Variants in ADGRV1 observed in about 807,000 individuals in gnomAD.
ADGRV1 encodes the protein G-protein coupled receptor 98.
A neutral mutation model predicts 596.2 loss-of-function variants in ADGRV1; 359 were observed. The observed-to-expected ratio is 0.60, with a 90% CI of 0.55 to 0.66. ADGRV1 has a LOEUF of 0.66. Ranked by LOEUF, ADGRV1 falls within the 30% of genes least tolerant of loss-of-function variation. ADGRV1 has a pLI of 0.00. For missense variants in ADGRV1, 7,274 were observed against 7,575.6 expected, an observed-to-expected ratio of 0.96 and a Z score of 1.48; for synonymous variants, 2,681 against 2,679.2, an observed-to-expected ratio of 1.00 and a Z score of -0.02.
At chr5:91,051,157 T>C (rs1439221993) in intron 85 of ADGRV1, among the ~76,000 whole-genome samples, 1 of 152,222 alleles carries the variant, frequency 6.6e-6, no homozygotes, top group Non-Finnish European at 1.5e-5. Context: ...CCCAGACTTT[T>C]AAATGTATGA....
chr5:90,901,267 A>G (rs1437616679), intron 83 of ADGRV1, among the ~76,000 whole-genome samples: 1 of 152,200 alleles, frequency 6.6e-6, no homozygotes, highest in Non-Finnish European at 1.5e-5. Context: ...GTAAGTGTTC[A>G]TAAATGTGGA....
intron 86 of ADGRV1, among the ~76,000 whole-genome samples, chr5:91,081,771 A>G (rs1159633740): frequency 6.6e-6 from 1 of 152,204 alleles, no homozygotes; most frequent in Non-Finnish European, 1.5e-5. Context: ...GAGCAACAAG[A>G]GTGAAACTCT....
intron 87 of ADGRV1, among the ~76,000 whole-genome samples, chr5:91,124,619 C>T (rs1043616081): frequency 3.9e-5 from 6 of 152,002 alleles, no homozygotes; most frequent in Non-Finnish European, 5.9e-5. Context: ...AGTGAAGACC[C>T]CTGAAGTTAA....
At chr5:90,966,168 G>A (rs1778438808) in intron 84 of ADGRV1, among the ~76,000 whole-genome samples, 1 of 152,150 alleles carries the variant, frequency 6.6e-6, no homozygotes, top group Non-Finnish European at 1.5e-5. Context: ...ACTGAACAAT[G>A]GGGAAGAGCT....
chr5:90,929,998 A>G (rs1015792836), intron 83 of ADGRV1, among the ~76,000 whole-genome samples: 1 of 152,188 alleles, frequency 6.6e-6, no homozygotes, highest in Non-Finnish European at 1.5e-5. Flanking sequence ...TTAAAAGGCC[A>G]GTCTATATTT....
At chr5:90,898,679 C>A (rs1228707974) in intron 83 of ADGRV1, among the ~76,000 whole-genome samples, 1 of 152,144 alleles carries the variant, frequency 6.6e-6, no homozygotes, top group African/African-American at 2.4e-5. Context: ...TGCGGGGACT[C>A]ACACCTGTAA....
At chr5:91,138,566 G>A (rs946056099) in intron 87 of ADGRV1, among the ~76,000 whole-genome samples, 10 of 152,122 alleles carry the variant, frequency 6.6e-5, no homozygotes, top group Admixed American at 3.3e-4. Flanking sequence ...CTACTAAACC[G>A]TCATCAGAAA....
At chr5:90,715,198 G>A (rs1749926576) in intron 42 of ADGRV1, among the ~76,000 whole-genome samples, 1 of 152,180 alleles carries the variant, frequency 6.6e-6, no homozygotes, top group South Asian at 2.1e-4. Flanking sequence ...GATCTCTGGA[G>A]GCCTGATGAG....
rs1206108221 is a variant in ADGRV1 at position 90,855,858 on chromosome 5, A to G, written c.17712A>G (p.Ser5904=). 6.2e-7 allele frequency: 1 copy of G among 1,613,314 alleles called. No individual in the cohort carries two copies. ...ATGCTCGGACTGACAACTTGTCTTC[A>G]TACAATGAAGCCTTCTTCACTTCTG... is the stretch of plus-strand genomic sequence containing the variant. ...AVYARTDNLS[S]YNEAFFTSGF... is the part of the protein sequence containing the mutation. The change falls in exon 82 of 90, where the codon TCA becomes TCG. Residue 5904 remains serine, a synonymous_variant. Transcript: ENST00000405460.
chr5:90,639,071 AACACAC>A (rs67813883), intron 11 of ADGRV1, among the ~76,000 whole-genome samples: 5 of 147,944 alleles, frequency 3.4e-5, no homozygotes, highest in Non-Finnish European at 6.0e-5. Flanking sequence ...ACCAATTTAC[AACACAC>A]ACACACACAC....
chr5:91,099,254 CT>C (rs1791153147), intron 86 of ADGRV1, among the ~76,000 whole-genome samples: 1 of 151,838 alleles, frequency 6.6e-6, no homozygotes, highest in African/African-American at 2.4e-5. Context: ...CTTCTAAAGC[CT>C]TATTTCTCTC....
At chr5:90,822,550 G>A (rs1581234653) in intron 75 of ADGRV1, among the ~76,000 whole-genome samples, 1 of 152,054 alleles carries the variant, frequency 6.6e-6, no homozygotes, top group African/African-American at 2.4e-5. Context: ...TATAGTTTGA[G>A]GTCAGGTAGC....
At chr5:90,588,027 T>C (rs935398860) in intron 1 of ADGRV1, among the ~76,000 whole-genome samples, 6 of 152,228 alleles carry the variant, frequency 3.9e-5, no homozygotes, top group Admixed American at 2.6e-4. Flanking sequence ...TAATGAAATA[T>C]AAGCTTTCTT....
intron 1 of ADGRV1, among the ~76,000 whole-genome samples, chr5:90,607,061 A>G (rs771716149): frequency 6.6e-6 from 1 of 152,198 alleles, no homozygotes; most frequent in African/African-American, 2.4e-5. Flanking sequence ...TACCTTTAAT[A>G]TAGCACTTTA....
chr5:90,667,212 A>G lies in ADGRV1; in HGVS notation c.4753-5334A>G, dbSNP rs1458924921. On this transcript the variant is annotated intron_variant, in intron 21 of 89. Coordinates refer to ENST00000405460, the MANE Select transcript of ADGRV1 (RefSeq NM_032119.4). Reference sequence around the variant, plus strand: ...ATAATATCCTGCAGAGTGTTTTCCAACTTGCTTCCATTCTCCCCATCACTT... The same window carrying G: ...ATAATATCCTGCAGAGTGTTTTCCAGCTTGCTTCCATTCTCCCCATCACTT... Among the ~76,000 whole-genome samples the G allele has an allele frequency of 5.7e-5, 8 of 140,182 alleles. No individual in the cohort carries two copies. In the South Asian group the frequency reaches 9.9e-4, roughly 17 times the overall value. 92.0% of individuals were successfully genotyped at this position (140,182 alleles called of 152,430 possible).
rs374946426 is a variant in ADGRV1 at position 90,625,240 on chromosome 5, C to T, written c.669C>T (p.Asp223=). ...TVIYNLTVLD[D]EVPENDEIFL... is the part of the protein sequence containing the mutation. ...TTTATAACTTGACAGTACTCGATGA[C>T]GAGGTTGGCTAATGTTACATACCCA... Residue 223 remains aspartate (D), a synonymous_variant, in exon 6 of 90, where the codon GAC becomes GAT. Transcript: ENST00000405460. 3.1e-5 allele frequency: 50 copies of T among 1,600,132 alleles called. No homozygotes were observed. Among genetic ancestry groups the T allele is most frequent in the African/African-American group, 2.7e-4 (20 of 74,660 alleles).
chr5:91,030,932 G>C, intron 85 of ADGRV1: 1 of 785,052 alleles, frequency 1.3e-6, no homozygotes, highest in Non-Finnish European at 1.9e-6. Context: ...TGTGATCAGA[G>C]TCCATATAGT....
At chr5:90,693,703 G>A (rs1228259208) in intron 32 of ADGRV1, among the ~76,000 whole-genome samples, 187 bp from the exon 33 acceptor site, 1 of 152,136 alleles carries the variant, frequency 6.6e-6, no homozygotes, top group African/African-American at 2.4e-5. Flanking sequence ...TTGAAAATTA[G>A]CAAGGTTTCC....
At position 90,647,810 on chromosome 5, in the gene ADGRV1, A is replaced by T. The variant is rs750389062; in HGVS notation, c.3289+46A>T. Reference sequence around the variant, plus strand: ...TATGGCAGATCTGCCTCAGTGCTTTAATAAGATGAAATTAAGCACTGCAGT... The same window carrying T: ...TATGGCAGATCTGCCTCAGTGCTTTTATAAGATGAAATTAAGCACTGCAGT... On this transcript the variant is annotated intron_variant, in intron 17 of 89. Transcript: ENST00000405460. The T allele has an allele frequency of 1.9e-6, 3 of 1,541,618 alleles. No individual in the cohort carries two copies. In the African/African-American group the frequency reaches 4.1e-5, roughly 21 times the overall value.
Sources: allele counts gnomAD v4.1 joint callset (sites outside exome capture counted in the v4.1 genomes callset), GRCh38; gene constraint gnomAD v4.1.1; transcripts MANE v1.5; gene names NCBI Gene and HGNC (gene_info 2026-07-23, HGNC 2026-07-21).